Variants in CRPPA observed in about 807,000 individuals in gnomAD.
CRPPA encodes D-ribitol-5-phosphate cytidylyltransferase.
In CRPPA, 43 loss-of-function variants were observed where a neutral mutation model predicts 52.0. The ratio of observed to expected loss-of-function variants is 0.83; its 90% CI spans 0.65 to 1.07. CRPPA has a LOEUF of 1.07. CRPPA is among the 50% of genes least tolerant of loss of function. The probability of loss-of-function intolerance (pLI) is 0.00; values close to 1 mark genes in which losing one functional copy is unlikely to be tolerated. For synonymous variants in CRPPA, 250 were observed against 203.5 expected (o/e 1.23, Z -1.94); for missense variants, 629 against 551.7 (o/e 1.14, Z -1.40).
At chr7:16,150,140 AC>A in intron 9 of CRPPA, among the ~76,000 whole-genome samples, 1 of 152,108 alleles carries the variant, frequency 6.6e-6, no homozygotes, top group East Asian at 1.9e-4. Flanking sequence ...TCATTACTTA[AC>A]CCTTTTATTC....
At chr7:16,143,025 T>C (rs1782903788) in intron 9 of CRPPA, among the ~76,000 whole-genome samples, 1 of 152,188 alleles carries the variant, frequency 6.6e-6, no homozygotes, top group South Asian at 2.1e-4. Flanking sequence ...GTTGACAATG[T>C]TGGAAAAAGA....
chr7:16,209,627 A>G (rs1249035262), intron 9 of CRPPA, among the ~76,000 whole-genome samples: 1 of 152,150 alleles, frequency 6.6e-6, no homozygotes, highest in Non-Finnish European at 1.5e-5. Context: ...GTTTACATTC[A>G]CACAAAAAAA....
At chr7:16,231,816 G>GT (rs1421214460) in intron 8 of CRPPA, among the ~76,000 whole-genome samples, 1 of 152,210 alleles carries the variant, frequency 6.6e-6, no homozygotes, top group African/African-American at 2.4e-5. Context: ...ATAAAACAAT[G>GT]TTTTTTAAAG....
At chr7:16,098,666 A>G (rs980385784) in intron 9 of CRPPA, among the ~76,000 whole-genome samples, 23 of 152,238 alleles carry the variant, frequency 1.5e-4, no homozygotes, top group Non-Finnish European at 5.9e-5. Flanking sequence ...TAAACCTTCA[A>G]CAGACTTGTT....
intron 2 of CRPPA, among the ~76,000 whole-genome samples, chr7:16,405,746 G>C (rs2128318363): frequency 6.6e-6 from 1 of 152,240 alleles, no homozygotes; most frequent in East Asian, 1.9e-4. Context: ...TTACTTCTGA[G>C]AGATTTCTCT....
intron 9 of CRPPA, among the ~76,000 whole-genome samples, chr7:16,160,502 C>G (rs996975974): frequency 6.6e-6 from 1 of 152,060 alleles, no homozygotes; most frequent in Non-Finnish European, 1.5e-5. Flanking sequence ...ATTTCTGAGG[C>G]CTCTGTTCTG....
chr7:16,414,685 AG>A (rs1788150935), intron 1 of CRPPA, among the ~76,000 whole-genome samples: 1 of 152,222 alleles, frequency 6.6e-6, no homozygotes, highest in Non-Finnish European at 1.5e-5. Flanking sequence ...GTTTCTTGTT[AG>A]TAAAAGGCGA....
chr7:16,348,948 G>C (rs1467219982), intron 3 of CRPPA, among the ~76,000 whole-genome samples: 1 of 152,188 alleles, frequency 6.6e-6, no homozygotes, highest in African/African-American at 2.4e-5. Context: ...AATAGTCCTA[G>C]ACCACAGAGG....
chr7:16,125,257 C>CAAAAAAAAA (rs11323226), intron 9 of CRPPA, among the ~76,000 whole-genome samples: 2 of 67,720 alleles, frequency 3.0e-5, no homozygotes, highest in African/African-American at 5.6e-5. Flanking sequence ...GAGACTGTCT[C>CAAAAAAAAA]AAAAAAAAAA....
intron 9 of CRPPA, among the ~76,000 whole-genome samples, chr7:16,097,498 T>G (rs1335252692): frequency 6.6e-6 from 1 of 152,176 alleles, no homozygotes; most frequent in African/African-American, 2.4e-5. Flanking sequence ...ACACCATGTT[T>G]GGGTGAAAGA....
rs139274411 is a variant in CRPPA at position 16,395,089 on chromosome 7, G to A, written c.534+10972C>T. Among the ~76,000 whole-genome samples the A allele has an allele frequency of 3.7e-3, 563 of 152,266 alleles. 4 individuals carry two copies. Among genetic ancestry groups the A allele is most frequent in the African/African-American group, 0.013 (543 of 41,562 alleles). ...CAAGGCACATCTCCCTGAGAAGCTT[G>A]TTGTAGGAGGCATCATTCCTGACTT... On this transcript the variant is annotated intron_variant, in intron 2 of 9. Transcript: ENST00000407010.
chr7:16,158,560 G>A (rs1783235931), intron 9 of CRPPA, among the ~76,000 whole-genome samples: 1 of 152,084 alleles, frequency 6.6e-6, no homozygotes, highest in Non-Finnish European at 1.5e-5. Flanking sequence ...CTTAAGAGAT[G>A]TTTTTTATAT....
chr7:16,139,016 G>T (rs1383905947), intron 9 of CRPPA, among the ~76,000 whole-genome samples: 1 of 152,062 alleles, frequency 6.6e-6, no homozygotes, highest in African/African-American at 2.4e-5. Flanking sequence ...TGGTCAGGTT[G>T]GTCTCAAACT....
intron 9 of CRPPA, among the ~76,000 whole-genome samples, chr7:16,205,898 G>C (rs1431854501): frequency 2.6e-5 from 4 of 151,208 alleles, no homozygotes; most frequent in Non-Finnish European, 5.9e-5. Flanking sequence ...AGAGAATTAA[G>C]GTGGTGAATA....
At chr7:16,119,811 G>A (rs1782447061) in intron 9 of CRPPA, among the ~76,000 whole-genome samples, 1 of 152,194 alleles carries the variant, frequency 6.6e-6, no homozygotes, top group African/African-American at 2.4e-5. Context: ...GTATGCTTTG[G>A]ATAAATCTGA....
chr7:16,124,240 T>C (rs1782533426), intron 9 of CRPPA, among the ~76,000 whole-genome samples: 1 of 151,992 alleles, frequency 6.6e-6, no homozygotes, highest in Non-Finnish European at 1.5e-5. Flanking sequence ...ATAATAGCCA[T>C]TCTAACTGGG....
intron 9 of CRPPA, among the ~76,000 whole-genome samples, chr7:16,145,347 G>A (rs938878237): frequency 2.6e-5 from 4 of 152,132 alleles, no homozygotes; most frequent in African/African-American, 7.2e-5. Flanking sequence ...GTCCTACCAG[G>A]TTAGAGAAGG....
chr7:16,272,308 T>C (rs531664674), intron 6 of CRPPA, among the ~76,000 whole-genome samples: 1 of 152,336 alleles, frequency 6.6e-6, no homozygotes, highest in Admixed American at 6.5e-5. Context: ...GTGGGTATCA[T>C]TAAAGTTAGA....
chr7:16,088,057 G>A lies in CRPPA; in HGVS notation c.*3638C>T, dbSNP rs1478886510. On this transcript the variant is annotated 3_prime_UTR_variant, in exon 10 of 10. Transcript: ENST00000407010. ...TGACTCTGAGAGAATATAGGGAGCT[G>A]ACTCTTACCTGTAAATGAGTATACT... is the stretch of plus-strand genomic sequence containing the variant. 2 of 152,086 alleles carry A rather than the reference G, an allele frequency of 1.3e-5. No individual in the cohort carries two copies. Among genetic ancestry groups the A allele is most frequent in the African/African-American group, 4.8e-5 (2 of 41,412 alleles). 9.4% of individuals were successfully genotyped at this position (152,086 alleles called of 1,614,324 possible).
Sources: allele counts gnomAD v4.1 joint callset (sites outside exome capture counted in the v4.1 genomes callset), GRCh38; gene constraint gnomAD v4.1.1; transcripts MANE v1.5; gene names NCBI Gene and HGNC (gene_info 2026-07-23, HGNC 2026-07-21).